The following CACNA2D1 variants were observed in gnomAD, a reference collection of about 807,000 sequenced individuals.
CACNA2D1 encodes calcium voltage-gated channel auxiliary subunit alpha2delta 1.
CACNA2D1 carries 53 observed loss-of-function variants against 171.5 expected under a neutral mutation model. The observed-to-expected ratio is 0.31, with a 90% CI of 0.25 to 0.39. The LOEUF is 0.39. CACNA2D1 is among the 10% of genes least tolerant of loss of function. The probability of loss-of-function intolerance (pLI) is 1.00; values close to 1 mark genes in which losing one functional copy is unlikely to be tolerated. For missense variants in CACNA2D1, 903 were observed against 1,299.8 expected (o/e 0.69, Z 4.69); for synonymous variants, 442 against 443.1 (o/e 1.00, Z 0.03).
chr7:82,114,953 A>G (rs1788872306), intron 6 of CACNA2D1, among the ~76,000 whole-genome samples: 1 of 152,116 alleles, frequency 6.6e-6, no homozygotes, highest in Non-Finnish European at 1.5e-5. Context: ...ACTGACTTAA[A>G]ATATCTTGTG....
At chr7:82,217,863 T>A (rs1434989185) in intron 3 of CACNA2D1, among the ~76,000 whole-genome samples, 2 of 151,716 alleles carry the variant, frequency 1.3e-5, no homozygotes, top group Non-Finnish European at 2.9e-5. Flanking sequence ...ACTGAAATTT[T>A]TTTTTTTTAA....
chr7:82,434,590 A>G (rs1449357209), intron 1 of CACNA2D1, among the ~76,000 whole-genome samples: 2 of 152,122 alleles, frequency 1.3e-5, no homozygotes, highest in African/African-American at 2.4e-5. Context: ...TGTTCTCATT[A>G]TGTTGTTCCA....
intron 4 of CACNA2D1, among the ~76,000 whole-genome samples, chr7:82,152,366 A>C (rs1793956277): frequency 6.6e-6 from 1 of 151,462 alleles, no homozygotes; most frequent in Admixed American, 6.6e-5. Context: ...AGAAAAGGTA[A>C]AACCTTGAGA....
At chr7:82,259,922 C>T (rs190937728) in intron 3 of CACNA2D1, among the ~76,000 whole-genome samples, 203 of 152,234 alleles carry the variant, frequency 1.3e-3, no homozygotes, top group African/African-American at 3.7e-3. Flanking sequence ...ATAAGAATTA[C>T]GTGAATTAAA....
chr7:81,971,716 A>C lies in CACNA2D1; in HGVS notation c.2141+61T>G, dbSNP rs1795296081. ...TTTATGAGATTCATACCCAATTTCC[A>C]CAGGAGAAACTAAATTGAAATGCAG... is the stretch of plus-strand genomic sequence containing the variant. On this transcript the variant is annotated intron_variant, in intron 26 of 38. Coordinates refer to ENST00000356860, the MANE Select transcript of CACNA2D1 (RefSeq NM_000722.4). 4 of 945,528 alleles carry C rather than the reference A, an allele frequency of 4.2e-6. No homozygotes were observed. The Admixed American group carries it at 7.0e-5, about 16-fold the overall frequency. 58.6% of individuals were successfully genotyped at this position (945,528 alleles called of 1,614,324 possible).
chr7:82,234,223 A>G (rs1803283486), intron 3 of CACNA2D1, among the ~76,000 whole-genome samples: 1 of 152,104 alleles, frequency 6.6e-6, no homozygotes, highest in African/African-American at 2.4e-5. Flanking sequence ...GAACTAGATA[A>G]TTATTGTAAT....
intron 1 of CACNA2D1, among the ~76,000 whole-genome samples, chr7:82,434,694 C>T (rs1194060421): frequency 6.6e-6 from 1 of 152,152 alleles, no homozygotes. Context: ...TATTATCTCT[C>T]ACTTTCCTCA....
At chr7:82,098,495 A>G (rs1812203487) in intron 6 of CACNA2D1, among the ~76,000 whole-genome samples, 1 of 152,170 alleles carries the variant, frequency 6.6e-6, no homozygotes, top group Non-Finnish European at 1.5e-5. Context: ...ACGCCTGCAT[A>G]TCTTACATGT....
At chr7:82,432,650 T>C (rs139695891) in intron 1 of CACNA2D1, among the ~76,000 whole-genome samples, 77 of 152,328 alleles carry the variant, frequency 5.1e-4, no homozygotes, top group Non-Finnish European at 9.6e-4. Flanking sequence ...AGTGGTTTTT[T>C]AATCTTCTAG....
intron 7 of CACNA2D1, among the ~76,000 whole-genome samples, chr7:82,081,088 G>GC (rs1210988689): frequency 6.6e-6 from 1 of 152,182 alleles, no homozygotes; most frequent in Non-Finnish European, 1.5e-5. Context: ...AGCAGGGAGA[G>GC]CCTAGCCTGA....
At chr7:82,005,197 T>C in intron 18 of CACNA2D1, 1 of 501,014 alleles carries the variant, frequency 2.0e-6, no homozygotes, top group Admixed American at 3.5e-5. Context: ...ATGGCTGTCT[T>C]TGAGATAAAA....
intron 4 of CACNA2D1, among the ~76,000 whole-genome samples, chr7:82,149,831 C>T (rs1793603745): frequency 6.6e-6 from 1 of 150,722 alleles, no homozygotes; most frequent in Admixed American, 6.6e-5. Context: ...GTGGTAGGCG[C>T]CTGTAGTCCC....
chr7:81,994,799 G>A (rs1797877999), intron 20 of CACNA2D1, 69 bp downstream of exon 20: 1 of 802,792 alleles, frequency 1.2e-6, no homozygotes, highest in Non-Finnish European at 2.1e-6. Flanking sequence ...AGAAAAAAAG[G>A]ACAAGTTACC....
chr7:82,387,406 G>A (rs149240102), intron 1 of CACNA2D1, among the ~76,000 whole-genome samples: 2,447 of 152,140 alleles, frequency 0.016, 39 homozygotes, highest in Middle Eastern at 0.071. Flanking sequence ...ATTAATACTG[G>A]ATCAGAGAAG....
chr7:82,086,399 A>G (rs1196858103), intron 6 of CACNA2D1, among the ~76,000 whole-genome samples: 1 of 152,152 alleles, frequency 6.6e-6, no homozygotes, highest in African/African-American at 2.4e-5. Context: ...GGATGCGATT[A>G]CTTTCAAAAA....
Position 81,959,998 on chromosome 7 carries a change from A to C in CACNA2D1, c.2967-169T>G, listed in dbSNP as rs2302383. 0.25 allele frequency among the ~76,000 whole-genome samples: 38,386 copies of C among 152,036 alleles called. 5,192 individuals are homozygous for C. The highest frequency in any genetic ancestry group is 0.35 in the African/African-American group (14,378 of 41,510). ...TTTAGAAGAAAAAAATGCTTCATTT[A>C]TTAGCATGAACGTATTACCTATGTC... On this transcript the variant is annotated intron_variant, in intron 36 of 38. Coordinates refer to ENST00000356860, the MANE Select transcript of CACNA2D1 (RefSeq NM_000722.4).
At chr7:82,355,762 A>AT (rs1820352428) in intron 1 of CACNA2D1, among the ~76,000 whole-genome samples, 1 of 151,656 alleles carries the variant, frequency 6.6e-6, no homozygotes, top group Non-Finnish European at 1.5e-5. Flanking sequence ...TCTGTCTTTG[A>AT]TTTTACCTGC....
intron 1 of CACNA2D1, among the ~76,000 whole-genome samples, chr7:82,437,614 T>G (rs1830202657): frequency 6.6e-6 from 1 of 152,170 alleles, no homozygotes; most frequent in Non-Finnish European, 1.5e-5. Context: ...AGCCTAATTC[T>G]GAATTATTGA....
intron 1 of CACNA2D1, among the ~76,000 whole-genome samples, chr7:82,419,261 C>A (rs1828484400): frequency 6.6e-6 from 1 of 152,114 alleles, no homozygotes; most frequent in South Asian, 2.1e-4. Flanking sequence ...AAAAAAAAAT[C>A]TTCATTAGTT....
Sources: allele counts gnomAD v4.1 joint callset (sites outside exome capture counted in the v4.1 genomes callset), GRCh38; gene constraint gnomAD v4.1.1; transcripts MANE v1.5; gene names NCBI Gene and HGNC (gene_info 2026-07-23, HGNC 2026-07-21).